FRMD4B: variants seen among roughly 807,000 people sequenced by gnomAD.
The protein encoded by FRMD4B is FERM domain containing 4B.
In FRMD4B, 74 loss-of-function variants were observed where a neutral mutation model predicts 141.5. The ratio of observed to expected loss-of-function variants is 0.52; its 90% CI spans 0.43 to 0.63. The LOEUF (loss-of-function observed/expected upper bound fraction) is 0.63. Ranked by LOEUF, FRMD4B falls within the 30% of genes least tolerant of loss-of-function variation. FRMD4B has a pLI of 0.00. For missense variants in FRMD4B, 1,366 were observed against 1,253.4 expected (o/e 1.09, Z -1.36); for synonymous variants, 506 against 467.9 (o/e 1.08, Z -1.05).
chr3:69,448,944 G>A (rs1181790928), intron 1 of FRMD4B, among the ~76,000 whole-genome samples: 3 of 152,124 alleles, frequency 2.0e-5, no homozygotes, highest in African/African-American at 7.2e-5. Flanking sequence ...TAGCAAAGAA[G>A]GAAAAGGCTT....
At chr3:69,247,581 G>A (rs193205700) in intron 7 of FRMD4B, among the ~76,000 whole-genome samples, 15 of 152,268 alleles carry the variant, frequency 9.9e-5, no homozygotes, top group African/African-American at 3.4e-4. Context: ...TCGCCTCCCA[G>A]GTTCAAGCAA....
intron 1 of FRMD4B, among the ~76,000 whole-genome samples, chr3:69,500,861 TAAAG>T (rs1467143741): frequency 6.6e-6 from 1 of 151,938 alleles, no homozygotes; most frequent in Non-Finnish European, 1.5e-5. Context: ...GAAGCACAAA[TAAAG>T]AATCCCCAGG....
intron 1 of FRMD4B, among the ~76,000 whole-genome samples, chr3:69,314,659 A>T (rs1203721766): frequency 1.3e-5 from 2 of 151,760 alleles, no homozygotes; most frequent in African/African-American, 4.8e-5. Context: ...ACATGGTGAA[A>T]CCCCCTTTCT....
At chr3:69,220,794 C>T (rs2093186557) in intron 9 of FRMD4B, among the ~76,000 whole-genome samples, 1 of 152,124 alleles carries the variant, frequency 6.6e-6, no homozygotes, top group Non-Finnish European at 1.5e-5. Flanking sequence ...GTGGCAATTG[C>T]AGTGAGATGA....
At chr3:69,530,004 C>T (rs1302124892) in intron 1 of FRMD4B, among the ~76,000 whole-genome samples, 2 of 152,212 alleles carry the variant, frequency 1.3e-5, no homozygotes, top group Non-Finnish European at 2.9e-5. Flanking sequence ...CCCATGATAA[C>T]AGGAATTGGC....
Position 69,345,900 on chromosome 3 carries a change from C to G in FRMD4B, c.163-32383G>C, listed in dbSNP as rs550192247. Among the ~76,000 whole-genome samples the G allele has an allele frequency of 1.5e-3, 234 of 152,244 alleles. 1 individual carries two copies. The highest frequency in any genetic ancestry group is 5.2e-3 in the African/African-American group (218 of 41,560). On this transcript the variant is annotated intron_variant, in intron 1 of 22. Coordinates refer to ENST00000398540, the MANE Select transcript of FRMD4B (RefSeq NM_015123.3). ...ATGGGGAAAAAACAGAGCAGAAAAG[C>G]TGAAAATTCTAAAAAGCAGAGCGCC...
intron 11 of FRMD4B, among the ~76,000 whole-genome samples, chr3:69,205,168 C>A (rs761203451): frequency 4.0e-4 from 61 of 151,384 alleles, no homozygotes; most frequent in Non-Finnish European, 7.4e-4. Flanking sequence ...TGAGTCCCCC[C>A]CCTTTTTTTT....
intron 2 of FRMD4B, among the ~76,000 whole-genome samples, chr3:69,414,179 T>TGCC (rs939694005): frequency 1.3e-5 from 2 of 152,020 alleles, no homozygotes; most frequent in African/African-American, 4.8e-5. Flanking sequence ...AACAGATGCC[T>TGCC]GCCTGAATAA....
chr3:69,425,982 A>G (rs773791027), intron 2 of FRMD4B, among the ~76,000 whole-genome samples: 1 of 152,258 alleles, frequency 6.6e-6, no homozygotes, highest in African/African-American at 2.4e-5. Context: ...AAAGTCTACC[A>G]TAACAGGTTA....
At chr3:69,272,804 TGC>T (rs2093601513) in intron 5 of FRMD4B, among the ~76,000 whole-genome samples, 1 of 152,214 alleles carries the variant, frequency 6.6e-6, no homozygotes, top group Non-Finnish European at 1.5e-5. Flanking sequence ...TCAGTTAAAT[TGC>T]ACTGAGACTA....
intron 1 of FRMD4B, among the ~76,000 whole-genome samples, chr3:69,476,727 C>T (rs1292215822): frequency 6.6e-6 from 1 of 152,044 alleles, no homozygotes; most frequent in Non-Finnish European, 1.5e-5. Flanking sequence ...GTAGTTTTTT[C>T]CAATTCTGTG....
Position 69,313,525 on chromosome 3 carries a change from A to G in FRMD4B, c.163-8T>C. 6.4e-7 allele frequency: 1 copy of G among 1,554,726 alleles called. No individual in the cohort carries two copies. Among genetic ancestry groups the G allele is most frequent in the Non-Finnish European group, 8.7e-7 (1 of 1,144,566 alleles). On this transcript the variant is annotated splice_region_variant and splice_polypyrimidine_tract_variant and intron_variant, in intron 1 of 22. Coordinates refer to ENST00000398540, the MANE Select transcript of FRMD4B (RefSeq NM_015123.3). Reference sequence around the variant, plus strand: ...GTGCCTGCCTTCTGTCATCTGCAGGAACAAGACAGCAAGAGTGGTGTCAGG... The same window carrying G: ...GTGCCTGCCTTCTGTCATCTGCAGGGACAAGACAGCAAGAGTGGTGTCAGG...
intron 1 of FRMD4B, among the ~76,000 whole-genome samples, chr3:69,444,673 G>C (rs1285491982): frequency 6.6e-6 from 1 of 152,108 alleles, no homozygotes; most frequent in Non-Finnish European, 1.5e-5. Flanking sequence ...CATTTTAAAA[G>C]ATAACATTTC....
At chr3:69,281,823 CAAA>C (rs869209332) in intron 5 of FRMD4B, among the ~76,000 whole-genome samples, 1 of 131,470 alleles carries the variant, frequency 7.6e-6, no homozygotes, top group Non-Finnish European at 1.6e-5. Flanking sequence ...GACTCCGTCT[CAAA>C]AAAAAAAAAA....
At chr3:69,279,781 TCTC>T (rs144074081) in intron 5 of FRMD4B, among the ~76,000 whole-genome samples, 4,595 of 70,080 alleles carry the variant, frequency 0.066, 278 homozygotes, top group East Asian at 0.17. Flanking sequence ...CCCCTCCTCC[TCTC>T]CTCCTCCTCC....
chr3:69,362,204 C>T (rs1317151549), intron 1 of FRMD4B, among the ~76,000 whole-genome samples: 2 of 152,130 alleles, frequency 1.3e-5, no homozygotes, highest in Non-Finnish European at 2.9e-5. Flanking sequence ...TCCACAATAA[C>T]TTTGAGGTCG....
Position 69,186,434 on chromosome 3 carries a change from G to A in FRMD4B, c.1919+1336C>T, listed in dbSNP as rs114434625. ...CTAATTAAAAAAGAAATTTTGGGCC[G>A]GGCACACTGGCTCATGCCTGTAATC... On this transcript the variant is annotated intron_variant, in intron 19 of 22. Coordinates refer to ENST00000398540, the MANE Select transcript of FRMD4B (RefSeq NM_015123.3). Among the ~76,000 whole-genome samples, 228 of 151,828 alleles carry A rather than the reference G, an allele frequency of 1.5e-3. 1 individual carries two copies. The highest frequency in any genetic ancestry group is 5.1e-3 in the African/African-American group (212 of 41,408).
At chr3:69,441,434 G>A (rs138591057) in intron 1 of FRMD4B, among the ~76,000 whole-genome samples, 7 of 152,168 alleles carry the variant, frequency 4.6e-5, no homozygotes, top group Admixed American at 6.5e-5. Context: ...TTTGGGCCTC[G>A]GTTCAGATGT....
rs544794880 is a variant in FRMD4B at position 69,256,069 on chromosome 3, C to T, written c.502-5970G>A. On this transcript the variant is annotated intron_variant, in intron 5 of 22. Coordinates refer to ENST00000398540, the MANE Select transcript of FRMD4B (RefSeq NM_015123.3). ...CTGTGATTGCGCCACTGGACTCCAGCCTGGGTGACACGGTGAGACCTGTCC... is the reference window on the plus strand; with the variant it reads ...CTGTGATTGCGCCACTGGACTCCAGTCTGGGTGACACGGTGAGACCTGTCC... 2.6e-5 allele frequency among the ~76,000 whole-genome samples: 4 copies of T among 151,918 alleles called. No homozygotes were observed. The East Asian group carries it at 7.8e-4, about 30-fold the overall frequency.
Sources: allele counts gnomAD v4.1 joint callset (sites outside exome capture counted in the v4.1 genomes callset), GRCh38; gene constraint gnomAD v4.1.1; transcripts MANE v1.5; gene names NCBI Gene and HGNC (gene_info 2026-07-23, HGNC 2026-07-21).